The following PPP3CA variants were observed in gnomAD, a reference collection of about 807,000 sequenced individuals.
The protein encoded by PPP3CA is protein phosphatase 3 catalytic subunit alpha.
A neutral mutation model predicts 66.5 loss-of-function variants in PPP3CA; 14 were observed. The ratio of observed to expected loss-of-function variants is 0.21; its 90% CI spans 0.14 to 0.33. PPP3CA has a LOEUF of 0.33. Ranked by LOEUF, PPP3CA falls within the 10% of genes least tolerant of loss-of-function variation. PPP3CA has a pLI of 1.00. For synonymous variants in PPP3CA, 232 were observed against 226.2 expected (o/e 1.03, Z -0.23); for missense variants, 317 against 639.5 (o/e 0.50, Z 5.44).
intron 12 of PPP3CA, 34 bp downstream of exon 12, chr4:101,032,233 C>G (rs752518173): frequency 1.4e-6 from 2 of 1,466,238 alleles, no homozygotes; most frequent in African/African-American, 2.9e-5. Context: ...ACTGCGATGC[C>G]CCAGCACACA....
At chr4:101,122,849 T>G (rs7660974) in intron 2 of PPP3CA, among the ~76,000 whole-genome samples, 7,002 of 152,094 alleles carry the variant, frequency 0.046, 526 homozygotes, top group African/African-American at 0.16. Context: ...CAGAATCCAA[T>G]GGTGAAGAAA....
chr4:101,105,580 A>G (rs1377637236), intron 3 of PPP3CA, among the ~76,000 whole-genome samples: 1 of 152,208 alleles, frequency 6.6e-6, no homozygotes. Context: ...AAGAAAAAAA[A>G]CAAAAAACAA....
At chr4:101,086,498 G>A (rs1402792453) in intron 6 of PPP3CA, among the ~76,000 whole-genome samples, 1 of 151,984 alleles carries the variant, frequency 6.6e-6, no homozygotes, top group African/African-American at 2.4e-5. Flanking sequence ...TCTCCCAGAT[G>A]TAAGACTCTT....
chr4:101,073,951 G>A (rs1729034688), intron 8 of PPP3CA, among the ~76,000 whole-genome samples: 2 of 152,208 alleles, frequency 1.3e-5, no homozygotes, highest in African/African-American at 4.8e-5. Context: ...GACCCATTAA[G>A]AGGATCTTCA....
chr4:101,090,807 G>A (rs1456563371), intron 6 of PPP3CA, among the ~76,000 whole-genome samples: 8 of 149,850 alleles, frequency 5.3e-5, no homozygotes, highest in African/African-American at 1.2e-4. Context: ...ATATACACAC[G>A]TCTGTGTCTA....
At chr4:101,033,884 T>G (rs529250692) in intron 11 of PPP3CA, among the ~76,000 whole-genome samples, 1 of 152,332 alleles carries the variant, frequency 6.6e-6, no homozygotes, top group South Asian at 2.1e-4. Flanking sequence ...TACAGCCTTC[T>G]GTGACTTCCT....
chr4:101,248,295 A>G (rs1726555191), intron 1 of PPP3CA, among the ~76,000 whole-genome samples: 1 of 152,234 alleles, frequency 6.6e-6, no homozygotes, highest in Non-Finnish European at 1.5e-5. Context: ...AATATGCATT[A>G]AATTTCTAGA....
At chr4:101,338,567 G>A (rs2110339946) in intron 1 of PPP3CA, among the ~76,000 whole-genome samples, 1 of 152,276 alleles carries the variant, frequency 6.6e-6, no homozygotes, top group South Asian at 2.1e-4. Context: ...TCCACCTCCT[G>A]GGGAGGAGAG....
At chr4:101,345,642 T>C (rs1415244414) in intron 1 of PPP3CA, among the ~76,000 whole-genome samples, 1 of 152,162 alleles carries the variant, frequency 6.6e-6, no homozygotes, top group East Asian at 1.9e-4. Context: ...ATTCATAGGA[T>C]GGTTCCTCCC....
At chr4:101,124,723 AAGAGAAAGAAAGAAAG>A (rs1722165958) in intron 2 of PPP3CA, among the ~76,000 whole-genome samples, 15 of 48,178 alleles carry the variant, frequency 3.1e-4, no homozygotes, top group East Asian at 2.8e-3. Flanking sequence ...GAAAGAAAGA[AAGAGAAAGAAAGAAAG>A]AAAGAAAGAA....
At chr4:101,061,621 C>A (rs959033152) in intron 9 of PPP3CA, among the ~76,000 whole-genome samples, 2 of 151,970 alleles carry the variant, frequency 1.3e-5, no homozygotes, top group African/African-American at 4.8e-5. Flanking sequence ...GTGTTTAATA[C>A]AAACTGTTGA....
intron 1 of PPP3CA, among the ~76,000 whole-genome samples, chr4:101,250,751 CCT>C (rs1438811190): frequency 2.0e-5 from 3 of 151,706 alleles, no homozygotes; most frequent in African/African-American, 7.3e-5. Flanking sequence ...TTTTTTCTTC[CCT>C]GAGGTTAAAT....
At chr4:101,162,989 G>A (rs1230433648) in intron 2 of PPP3CA, among the ~76,000 whole-genome samples, 1 of 152,154 alleles carries the variant, frequency 6.6e-6, no homozygotes, top group African/African-American at 2.4e-5. Context: ...CAGCCAAGGA[G>A]ATGTACTCAC....
At chr4:101,064,121 C>T (rs1228321747) in intron 8 of PPP3CA, among the ~76,000 whole-genome samples, 1 of 151,936 alleles carries the variant, frequency 6.6e-6, no homozygotes, top group Non-Finnish European at 1.5e-5. Context: ...TTCTATCTGA[C>T]TCTATCCTTG....
chr4:101,318,623 A>G (rs1728950632), intron 1 of PPP3CA, among the ~76,000 whole-genome samples: 1 of 152,182 alleles, frequency 6.6e-6, no homozygotes, highest in African/African-American at 2.4e-5. Flanking sequence ...TACAAGCATA[A>G]AAGTATGCAG....
At position 101,024,025 on chromosome 4, in the gene PPP3CA, TAAC is replaced by T. The variant is rs1175978187; in HGVS notation, c.*1837_*1839del. 1 of 152,386 alleles carries T rather than the reference TAAC, an allele frequency of 6.6e-6. No homozygotes were observed. Among genetic ancestry groups the T allele is most frequent in the Non-Finnish European group, 1.5e-5 (1 of 68,042 alleles). The allele number at this position is 152,386 out of a possible 1,614,324, so 9.4% of individuals were successfully genotyped here. A position where few individuals can be genotyped will look rare whatever the true frequency, so the allele number is the denominator to read the frequency against. On this transcript the variant is annotated 3_prime_UTR_variant, in exon 14 of 14. Coordinates refer to ENST00000394854, the MANE Select transcript of PPP3CA (RefSeq NM_000944.5). ...ATCCAATACAACTGAAACAACCTGATAACAAATTAATTTTATTTTTCAATAAAA... is the reference window on the plus strand; with the variant it reads ...ATCCAATACAACTGAAACAACCTGATAAATTAATTTTATTTTTCAATAAAA...
At chr4:101,210,248 A>T (rs1047299456) in intron 1 of PPP3CA, among the ~76,000 whole-genome samples, 3 of 152,122 alleles carry the variant, frequency 2.0e-5, no homozygotes, top group African/African-American at 7.2e-5. Context: ...AATCCACCTG[A>T]TCCTCAAACT....
At chr4:101,102,211 T>C (rs550497370) in intron 3 of PPP3CA, among the ~76,000 whole-genome samples, 6 of 142,696 alleles carry the variant, frequency 4.2e-5, no homozygotes, top group Admixed American at 3.7e-4. Context: ...TCCTTTTCTG[T>C]AAATGAAGAA....
At chr4:101,121,186 A>G (rs1456686309) in intron 2 of PPP3CA, among the ~76,000 whole-genome samples, 1 of 152,126 alleles carries the variant, frequency 6.6e-6, no homozygotes, top group Non-Finnish European at 1.5e-5. Flanking sequence ...AGTCAGGATT[A>G]TCAATCAACT....
Sources: allele counts gnomAD v4.1 joint callset (sites outside exome capture counted in the v4.1 genomes callset), GRCh38; gene constraint gnomAD v4.1.1; transcripts MANE v1.5; gene names NCBI Gene and HGNC (gene_info 2026-07-23, HGNC 2026-07-21).